Variants in OIT3 observed in about 807,000 individuals in gnomAD.
OIT3 encodes the protein oncoprotein induced transcript 3.
In OIT3, 41 loss-of-function variants were observed where a neutral mutation model predicts 52.2. The ratio of observed to expected loss-of-function variants is 0.79; its 90% CI spans 0.61 to 1.02. The LOEUF is 1.02. Among genes scored for constraint, OIT3 ranks in the 50% least tolerant of loss-of-function variants. The pLI, the probability that OIT3 is intolerant of heterozygous loss-of-function variation, is 0.00. For synonymous variants in OIT3, 244 were observed against 276.9 expected (o/e 0.88, Z 1.18); for missense variants, 634 against 715.5 (o/e 0.89, Z 1.30).
At chr10:72,902,887 C>A (rs1845946737) in intron 3 of OIT3, among the ~76,000 whole-genome samples, 1 of 152,176 alleles carries the variant, frequency 6.6e-6, no homozygotes, top group Non-Finnish European at 1.5e-5. Context: ...ACAGCCAAAT[C>A]ATATCAATAT....
chr10:72,902,018 G>A (rs1249069345), intron 3 of OIT3, among the ~76,000 whole-genome samples: 2 of 152,018 alleles, frequency 1.3e-5, no homozygotes, highest in South Asian at 4.1e-4. Context: ...CAGCCAGGGC[G>A]AAAGAGCAAG....
In OIT3 at chr10:72,911,814, G is replaced by A. The variant is rs1477062980; in HGVS notation, c.765G>A (p.Leu255=). The A allele has an allele frequency of 3.1e-6, 5 of 1,613,592 alleles. No homozygotes were observed. Among genetic ancestry groups the A allele is most frequent in the Non-Finnish European group, 4.2e-6 (5 of 1,179,758 alleles). ...GTGAATGTCCCCGGGGCCTGGTGCTGTCTGAGGATAACCACACTTGCCAAG... is the reference window on the plus strand; with the variant it reads ...GTGAATGTCCCCGGGGCCTGGTGCTATCTGAGGATAACCACACTTGCCAAG... ...YQCECPRGLV[L]SEDNHTCQVP... is the part of the protein sequence containing the mutation. The change falls in exon 5 of 9, where the codon CTG becomes CTA. Residue 255 remains leucine, a synonymous_variant. Transcript: ENST00000334011.
intron 1 of OIT3, among the ~76,000 whole-genome samples, chr10:72,897,576 A>C (rs1475047075): frequency 6.6e-6 from 1 of 152,240 alleles, no homozygotes; most frequent in East Asian, 1.9e-4. Context: ...ATTTCAAAGT[A>C]GGTGACATGT....
intron 4 of OIT3, among the ~76,000 whole-genome samples, chr10:72,909,267 T>C (rs1846009079): frequency 6.6e-6 from 1 of 151,816 alleles, no homozygotes; most frequent in Non-Finnish European, 1.5e-5. Context: ...ACTACAGGCG[T>C]GCACCACCAC....
At chr10:72,926,845 T>G (rs1316196237) in intron 7 of OIT3, among the ~76,000 whole-genome samples, 1 of 152,196 alleles carries the variant, frequency 6.6e-6, no homozygotes, top group Non-Finnish European at 1.5e-5. Context: ...TTTTTACTTT[T>G]TTTAAAAAAT....
rs560671292 is a variant in OIT3, at chr10:72,898,029, T to A, written c.62-635T>A. ...CCGAGCACCAGATTCATGCCTGTAA[T>A]CCCAACAGTTTGGGAGGCTGAGGCA... On this transcript the variant is annotated intron_variant, in intron 1 of 8. Transcript: ENST00000334011. Among the ~76,000 whole-genome samples the A allele has an allele frequency of 7.9e-5, 12 of 150,964 alleles. No homozygotes were observed. The East Asian group carries it at 2.3e-3, about 29-fold the overall frequency.
Position 72,932,383 on chromosome 10 carries a change from C to T in OIT3, c.1497C>T (p.Val499=). 1 of 1,614,238 alleles carries T rather than the reference C, an allele frequency of 6.2e-7. No individual in the cohort carries two copies. Among genetic ancestry groups the T allele is most frequent in the African/African-American group, 1.3e-5 (1 of 75,070 alleles). Reference sequence around the variant, plus strand: ...TGTTTCTGCACTGCCGGGTTCTTGTCTGTGGAGTGTTGGACGAGCGTTCCC... The same window carrying T: ...TGTTTCTGCACTGCCGGGTTCTTGTTTGTGGAGTGTTGGACGAGCGTTCCC... ...KEVFLHCRVL[V]CGVLDERSRC... The change falls in exon 9 of 9, where the codon GTC becomes GTT. Residue 499 remains valine (V), a synonymous_variant. Transcript: ENST00000334011.
chr10:72,925,070 C>A (rs1425984502), intron 7 of OIT3, among the ~76,000 whole-genome samples: 1 of 144,882 alleles, frequency 6.9e-6, no homozygotes, highest in African/African-American at 2.6e-5. Context: ...AAGATCGCAC[C>A]ATTGCCCTCC....
intron 2 of OIT3, 55 bp from the exon 3 acceptor site, chr10:72,900,322 A>G (rs756084828): frequency 2.3e-6 from 2 of 877,798 alleles, no homozygotes; most frequent in Non-Finnish European, 3.7e-6. Flanking sequence ...AAAAAGAATG[A>G]AAGAGTGTCT....
intron 1 of OIT3, among the ~76,000 whole-genome samples, chr10:72,897,364 T>C (rs1171858212): frequency 1.3e-5 from 2 of 152,210 alleles, no homozygotes; most frequent in African/African-American, 4.8e-5. Context: ...TACAATAAAA[T>C]GTTTTGGTTG....
rs762242959 is a variant in OIT3 at position 72,898,936 on chromosome 10, T to C, written c.334T>C (p.Cys112Arg). The C allele has an allele frequency of 1.2e-6, 2 of 1,614,198 alleles. No homozygotes were observed. The highest frequency in any genetic ancestry group is 2.2e-5 in the South Asian group (2 of 91,084). ...RQACASFNGNCCLWNTTVEVK... is the reference protein window; with the variant it reads ...RQACASFNGNRCLWNTTVEVK... ...GGCTTGTGCCAGCTTCAATGGGAAC[T>C]GCTGTCTCTGGAACACCACGGTGGA... The change falls in exon 2 of 9, where the codon TGC (cysteine) becomes CGC (arginine). Residue 112 changes from cysteine to arginine, a missense_variant. Physicochemically the swap from Cys to Arg is radical, Grantham distance 180. Transcript: ENST00000334011.
intron 8 of OIT3, among the ~76,000 whole-genome samples, chr10:72,931,733 G>A (rs1035114135): frequency 2.0e-5 from 3 of 152,176 alleles, no homozygotes; most frequent in Non-Finnish European, 4.4e-5. Flanking sequence ...AGTGAGATAA[G>A]CTGGAAGATT....
chr10:72,932,362 T>G lies in OIT3; in HGVS notation c.1476T>G (p.Phe492Leu). 1.9e-6 allele frequency: 3 copies of G among 1,614,230 alleles called. No individual in the cohort carries two copies. The highest frequency in any genetic ancestry group is 2.5e-6 in the Non-Finnish European group (3 of 1,180,012). The change falls in exon 9 of 9, where the codon TTT becomes TTG. Residue 492 changes from phenylalanine to leucine, a missense_variant. Transcript: ENST00000334011. ...KFVGKDHKEV[F>L]LHCRVLVCGV... ...CGTGATCATCTCTTCAGGAAGTGTT[T>G]CTGCACTGCCGGGTTCTTGTCTGTG... is the stretch of plus-strand genomic sequence containing the variant.
At chr10:72,920,708 G>A (rs1846113748) in intron 6 of OIT3, among the ~76,000 whole-genome samples, 1 of 152,136 alleles carries the variant, frequency 6.6e-6, no homozygotes, top group African/African-American at 2.4e-5. Context: ...TTCAGAAGCA[G>A]GTTATTACAT....
intron 4 of OIT3, among the ~76,000 whole-genome samples, chr10:72,907,202 G>A (rs1194760956): frequency 6.6e-6 from 1 of 152,154 alleles, no homozygotes; most frequent in Non-Finnish European, 1.5e-5. Context: ...GAGCCCAAGA[G>A]TTTGAGGCTG....
At chr10:72,923,762 A>T (rs1391032523) in intron 6 of OIT3, among the ~76,000 whole-genome samples, 1 of 152,188 alleles carries the variant, frequency 6.6e-6, no homozygotes, top group Non-Finnish European at 1.5e-5. Context: ...ATGCTTTCCT[A>T]GAGTAGGTAT....
intron 6 of OIT3, among the ~76,000 whole-genome samples, chr10:72,920,357 T>A (rs1051726963): frequency 1.3e-5 from 2 of 152,178 alleles, no homozygotes; most frequent in Admixed American, 6.5e-5. Context: ...GCCTATCTAT[T>A]TTATTAACTT....
intron 6 of OIT3, chr10:72,918,391 AACTG>A (rs1183730697): frequency 1.2e-5 from 9 of 776,766 alleles, no homozygotes; most frequent in Admixed American, 3.4e-5. Context: ...CCAGCCCTTA[AACTG>A]ACTGTTTTTA....
intron 1 of OIT3, among the ~76,000 whole-genome samples, chr10:72,894,325 ATCG>A (rs1475295310): frequency 2.0e-5 from 3 of 152,352 alleles, no homozygotes; most frequent in Non-Finnish European, 4.4e-5. Context: ...TTTTGCACAG[ATCG>A]AGTGAATCTT....
Sources: gnomAD v4.1 joint callset for allele counts (sites outside exome capture counted in the v4.1 genomes callset) on GRCh38, gnomAD v4.1.1 for gene constraint, MANE v1.5 for transcripts, NCBI Gene and HGNC (gene_info 2026-07-23, HGNC 2026-07-21) for gene names.